PSD3: variants seen among roughly 807,000 people sequenced by gnomAD.
PSD3 encodes the protein PH and SEC7 domain-containing protein 3.
A neutral mutation model predicts 105.5 loss-of-function variants in PSD3; 49 were observed. The ratio of observed to expected loss-of-function variants is 0.46; its 90% confidence interval spans 0.37 to 0.59. The LOEUF is 0.59. Among genes scored for constraint, PSD3 ranks in the 20% least tolerant of loss-of-function variants. PSD3 has a pLI of 0.00. For missense variants in PSD3, 1,561 were observed against 1,263.8 expected, an observed-to-expected ratio of 1.24 and a Z score of -3.57; for synonymous variants, 557 against 457.8, an observed-to-expected ratio of 1.22 and a Z score of -2.77.
intron 4 of PSD3, among the ~76,000 whole-genome samples, chr8:18,805,388 A>G (rs975774127): frequency 4.6e-5 from 7 of 152,206 alleles, no homozygotes; most frequent in African/African-American, 1.7e-4. Context: ...TCTACATTCA[A>G]TCAGTAACAA....
chr8:18,783,848 T>C (rs1563262923), intron 8 of PSD3, among the ~76,000 whole-genome samples: 1 of 152,214 alleles, frequency 6.6e-6, no homozygotes, highest in East Asian at 1.9e-4. Flanking sequence ...TTGGCCAGGC[T>C]GGTCTCGAAC....
chr8:19,011,813 C>A (rs1049570297), intron 1 of PSD3, among the ~76,000 whole-genome samples: 1 of 151,816 alleles, frequency 6.6e-6, no homozygotes, highest in Non-Finnish European at 1.5e-5. Context: ...GGAATTTGGC[C>A]GTAATAAGGT....
intron 9 of PSD3, among the ~76,000 whole-genome samples, chr8:18,730,991 G>C (rs1280520285): frequency 6.6e-6 from 1 of 151,960 alleles, no homozygotes; most frequent in Non-Finnish European, 1.5e-5. Flanking sequence ...CTTTCTAAAA[G>C]TCATTCCAAT....
At chr8:18,719,051 A>AG (rs1162322723) in intron 9 of PSD3, among the ~76,000 whole-genome samples, 2 of 152,196 alleles carry the variant, frequency 1.3e-5, no homozygotes, top group African/African-American at 4.8e-5. Flanking sequence ...ATCCTAGATC[A>AG]GGAGAATGAG....
At chr8:18,758,431 TAAG>T (rs1377612459) in intron 9 of PSD3, among the ~76,000 whole-genome samples, 15 of 150,528 alleles carry the variant, frequency 1.0e-4, no homozygotes, top group Admixed American at 5.4e-4. Flanking sequence ...TTTTTTTTTT[TAAG>T]AAGAATCATT....
In PSD3 at chr8:19,033,838, G is replaced by T. The variant is rs188910101; in HGVS notation, c.324+50368C>A. Among the ~76,000 whole-genome samples, 339 of 152,146 alleles carry T rather than the reference G, an allele frequency of 2.2e-3. 1 individual carries two copies. The highest frequency in any genetic ancestry group is 8.0e-3 in the African/African-American group (332 of 41,526). Reference sequence around the variant, plus strand: ...TTCTGTACAAACGTTCAGCAACTGGGCAGAAGCTGGTCATCATACAATGTT... The same window carrying T: ...TTCTGTACAAACGTTCAGCAACTGGTCAGAAGCTGGTCATCATACAATGTT... On this transcript the variant is annotated intron_variant, in intron 1 of 1. Coordinates refer to the PSD3 transcript ENST00000521475.
At chr8:18,986,840 C>T (rs910789774) in intron 1 of PSD3, among the ~76,000 whole-genome samples, 35 of 152,244 alleles carry the variant, frequency 2.3e-4, no homozygotes, top group African/African-American at 2.6e-4. Context: ...CTTCTTCCCA[C>T]GCCTAATCCA....
chr8:18,736,653 C>T (rs1194311408), intron 9 of PSD3, among the ~76,000 whole-genome samples: 2 of 151,970 alleles, frequency 1.3e-5, no homozygotes, highest in African/African-American at 4.8e-5. Flanking sequence ...CAGATTACCC[C>T]AGAGCAGAAT....
At chr8:18,810,803 A>C (rs1252393747) in intron 4 of PSD3, among the ~76,000 whole-genome samples, 1 of 152,072 alleles carries the variant, frequency 6.6e-6, no homozygotes, top group Non-Finnish European at 1.5e-5. Flanking sequence ...GAACAACATG[A>C]CTCCTTTGCC....
At chr8:18,984,968 C>G (rs1825429439) in intron 1 of PSD3, among the ~76,000 whole-genome samples, 1 of 152,132 alleles carries the variant, frequency 6.6e-6, no homozygotes, top group Non-Finnish European at 1.5e-5. Flanking sequence ...GAGTCTCACT[C>G]TGTTGCCCAG....
intron 1 of PSD3, among the ~76,000 whole-genome samples, chr8:18,955,307 C>T (rs1213970733): frequency 1.3e-5 from 2 of 152,158 alleles, no homozygotes; most frequent in Non-Finnish European, 1.5e-5. Flanking sequence ...GTGGCACGAT[C>T]ATAGTTCACT....
At chr8:19,057,835 T>C (rs1363844409) in intron 1 of PSD3, among the ~76,000 whole-genome samples, 2 of 152,206 alleles carry the variant, frequency 1.3e-5, no homozygotes, top group East Asian at 1.9e-4. Flanking sequence ...CATACATTGC[T>C]GGTGGGCGTG....
At chr8:18,623,764 C>A (rs769138218) in intron 11 of PSD3, among the ~76,000 whole-genome samples, 50 of 151,952 alleles carry the variant, frequency 3.3e-4, no homozygotes, top group Non-Finnish European at 6.0e-4. Context: ...TATAGTGAAA[C>A]CACTGGGTAC....
chr8:18,673,187 A>AAC (rs1799881350), intron 9 of PSD3, among the ~76,000 whole-genome samples: 2 of 150,590 alleles, frequency 1.3e-5, no homozygotes, highest in African/African-American at 5.0e-5. Flanking sequence ...TGGTTCTCTT[A>AAC]ACACACACAC....
chr8:18,819,411 T>G (rs987683325), intron 4 of PSD3, among the ~76,000 whole-genome samples: 2 of 151,976 alleles, frequency 1.3e-5, no homozygotes, highest in Non-Finnish European at 2.9e-5. Flanking sequence ...GAGATGCTAC[T>G]CAATAGAAAC....
At chr8:18,777,233 G>T (rs560511023) in intron 8 of PSD3, among the ~76,000 whole-genome samples, 57 of 152,046 alleles carry the variant, frequency 3.7e-4, no homozygotes, top group Non-Finnish European at 7.5e-4. Flanking sequence ...AGTAGAGACA[G>T]GGTTTCACCA....
chr8:18,745,144 G>A (rs1296787232), intron 9 of PSD3, among the ~76,000 whole-genome samples: 1 of 152,158 alleles, frequency 6.6e-6, no homozygotes, highest in Non-Finnish European at 1.5e-5. Context: ...TGTCTACATT[G>A]TAAAGTTAGT....
intron 1 of PSD3, 32 bp downstream of exon 1, chr8:19,013,531 C>G: frequency 4.4e-6 from 7 of 1,576,194 alleles, no homozygotes; most frequent in Non-Finnish European, 6.0e-6. Flanking sequence ...CGCGTGCGCA[C>G]CCCGCGCCCG....
chr8:19,009,469 C>G (rs59321198), intron 1 of PSD3, among the ~76,000 whole-genome samples: 17,412 of 152,142 alleles, frequency 0.11, 1,239 homozygotes, highest in African/African-American at 0.19. Flanking sequence ...AATAATGACA[C>G]TACTGACCTC....
Sources: gnomAD v4.1 joint callset for allele counts (sites outside exome capture counted in the v4.1 genomes callset) on GRCh38, gnomAD v4.1.1 for gene constraint, MANE v1.5 for transcripts, NCBI Gene and HGNC (gene_info 2026-07-23, HGNC 2026-07-21) for gene names.